Variants in SETD3 observed in about 807,000 individuals in gnomAD.
SETD3 encodes the protein SET domain containing 3, actin N3(tau)-histidine methyltransferase, also known as actin-histidine N-methyltransferase.
Under a neutral mutation model 63.0 loss-of-function variants are expected in SETD3, and 19 were observed. The ratio of observed to expected loss-of-function variants is 0.30; its 90% CI spans 0.21 to 0.44. SETD3 has a LOEUF of 0.44. Ranked by LOEUF, SETD3 falls within the 20% of genes least tolerant of loss-of-function variation. The pLI, the probability that SETD3 is intolerant of heterozygous loss-of-function variation, is 1.00. For missense variants in SETD3, 587 were observed against 728.5 expected, an observed-to-expected ratio of 0.81 and a Z score of 2.24; for synonymous variants, 286 against 264.1, an observed-to-expected ratio of 1.08 and a Z score of -0.80.
chr14:99,399,097 T>C lies in SETD3; in HGVS notation c.1367A>G (p.Asp456Gly), dbSNP rs1365615214. The change falls in exon 13 of 13, where the codon GAT becomes GGT. Residue 456 changes from aspartate to glycine, a missense_variant. Transcript: ENST00000331768. ...GGCCATTTTTGCACGAACAGAAAGA[T>C]CGTGGTTTTTCAAGACGGATTTATC... ...EEDKSVLKNH[D>G]LSVRAKMAIK... 3 of 1,613,642 alleles carry C rather than the reference T, an allele frequency of 1.9e-6. No individual in the cohort carries two copies. Among genetic ancestry groups the C allele is most frequent in the African/African-American group, 1.3e-5 (1 of 74,862 alleles).
intron 6 of SETD3, among the ~76,000 whole-genome samples, chr14:99,453,331 T>C (rs549621914): frequency 1.8e-4 from 27 of 152,326 alleles, no homozygotes; most frequent in Admixed American, 4.6e-4. Context: ...GAGAACATTC[T>C]AAAACTAGAA....
At chr14:99,430,342 C>A (rs1893103852) in intron 6 of SETD3, among the ~76,000 whole-genome samples, 1 of 152,120 alleles carries the variant, frequency 6.6e-6, no homozygotes, top group African/African-American at 2.4e-5. Flanking sequence ...TCACTGAAAC[C>A]CTGTCAAACA....
At chr14:99,403,822 G>A (rs545909495) in intron 11 of SETD3, among the ~76,000 whole-genome samples, 3 of 152,266 alleles carry the variant, frequency 2.0e-5, no homozygotes, top group East Asian at 3.9e-4. Flanking sequence ...TACGGTCCAC[G>A]TATGCCACAG....
upstream of SETD3, among the ~76,000 whole-genome samples, chr14:99,482,345 T>A (rs573691533): frequency 6.6e-6 from 1 of 152,378 alleles, no homozygotes; most frequent in South Asian, 2.1e-4. Context: ...TAAAGGTTTG[T>A]ATGAATGATG....
At chr14:99,480,939 T>C (rs1349808094), upstream of SETD3, 1 of 152,216 alleles carries the variant, frequency 6.6e-6, no homozygotes, top group Non-Finnish European at 1.5e-5. Context: ...CCGCCGTTCA[T>C]TGGCCCACGC....
chr14:99,420,008 A>G (rs1429455130), intron 6 of SETD3, among the ~76,000 whole-genome samples: 3 of 152,226 alleles, frequency 2.0e-5, no homozygotes, highest in Non-Finnish European at 4.4e-5. Context: ...GGCACTGTAC[A>G]TCACTGATAT....
chr14:99,408,635 G>A lies in SETD3; in HGVS notation c.850-2045C>T, dbSNP rs1317448673. Reference sequence around the variant, plus strand: ...CAGATATTTCCCACTCTCAGCAAACGTCAAGCTCAAGAAATAGTTTAACAT... The same window carrying A: ...CAGATATTTCCCACTCTCAGCAAACATCAAGCTCAAGAAATAGTTTAACAT... On this transcript the variant is annotated intron_variant, in intron 8 of 12. Coordinates refer to ENST00000331768, the MANE Select transcript of SETD3 (RefSeq NM_032233.3). Among the ~76,000 whole-genome samples, 3 of 152,160 alleles carry A rather than the reference G, an allele frequency of 2.0e-5. No individual in the cohort carries two copies. The East Asian group carries it at 5.8e-4, about 29-fold the overall frequency.
intron 6 of SETD3, among the ~76,000 whole-genome samples, chr14:99,415,189 T>C (rs1299442624): frequency 2.0e-5 from 3 of 152,240 alleles, no homozygotes; most frequent in Admixed American, 2.0e-4. Context: ...CCTGCCTGTT[T>C]TCATACTCTA....
chr14:99,475,169 A>ACC lies in SETD3; in HGVS notation c.-9+5557_-9+5558dup, dbSNP rs148947652. Among the ~76,000 whole-genome samples, 1,091 of 152,290 alleles carry ACC rather than the reference A, an allele frequency of 7.2e-3. 8 individuals are homozygous for ACC. Among genetic ancestry groups the ACC allele is most frequent in the African/African-American group, 0.024 (1,006 of 41,554 alleles). ...TCCGTCAAGAAATTACCTTCAAACC[A>ACC]CCCACATTCCTTAACATGAGGATTC... On this transcript the variant is annotated intron_variant, in intron 1 of 12. Transcript: ENST00000331768.
intron 1 of SETD3, among the ~76,000 whole-genome samples, chr14:99,474,287 T>C (rs1895855204): frequency 6.6e-6 from 1 of 152,180 alleles, no homozygotes; most frequent in South Asian, 2.1e-4. Flanking sequence ...ATCCAGCCAC[T>C]GTACTCCAGC....
At chr14:99,441,718 G>A (rs1199105438) in intron 6 of SETD3, among the ~76,000 whole-genome samples, 1 of 152,216 alleles carries the variant, frequency 6.6e-6, no homozygotes, top group Non-Finnish European at 1.5e-5. Context: ...GGACTGCAGT[G>A]AGGGAGGAAG....
intron 8 of SETD3, among the ~76,000 whole-genome samples, chr14:99,408,129 C>T (rs973707232): frequency 6.6e-6 from 1 of 152,142 alleles, no homozygotes; most frequent in African/African-American, 2.4e-5. Flanking sequence ...CAAAAGATGA[C>T]TTCTGAGTCT....
At chr14:99,416,040 T>C (rs772208847) in intron 6 of SETD3, among the ~76,000 whole-genome samples, 2 of 152,288 alleles carry the variant, frequency 1.3e-5, no homozygotes, top group South Asian at 4.1e-4. Flanking sequence ...AAAAGAAAAA[T>C]CTCTGCTGTC....
At chr14:99,473,662 C>T (rs941025760) in intron 1 of SETD3, among the ~76,000 whole-genome samples, 5 of 152,072 alleles carry the variant, frequency 3.3e-5, no homozygotes, top group African/African-American at 9.7e-5. Flanking sequence ...AAAGCACACT[C>T]GAGAGAGTGT....
upstream of SETD3, chr14:99,481,581 C>T (rs924315564): frequency 1.8e-5 from 7 of 397,270 alleles, no homozygotes; most frequent in African/African-American, 8.2e-5. Flanking sequence ...CGGAGTCTCT[C>T]TTTCCGGATT....
intron 6 of SETD3, among the ~76,000 whole-genome samples, chr14:99,425,201 G>C (rs1892815410): frequency 6.6e-6 from 1 of 152,138 alleles, no homozygotes; most frequent in Non-Finnish European, 1.5e-5. Flanking sequence ...ACTCTAGCAG[G>C]TTTGCTGAAC....
chr14:99,437,705 G>A (rs1282876988), intron 6 of SETD3, among the ~76,000 whole-genome samples: 3 of 152,150 alleles, frequency 2.0e-5, no homozygotes, highest in East Asian at 1.9e-4. Context: ...GTGACACACA[G>A]AAAGATTGAT....
At chr14:99,410,862 G>A (rs1045525179) in intron 8 of SETD3, among the ~76,000 whole-genome samples, 15 of 152,300 alleles carry the variant, frequency 9.8e-5, no homozygotes, top group Admixed American at 1.3e-4. Context: ...AGCAGACAGC[G>A]TTGCTGGGTT....
At chr14:99,469,376 A>T (rs546615022) in intron 1 of SETD3, among the ~76,000 whole-genome samples, 1 of 152,278 alleles carries the variant, frequency 6.6e-6, no homozygotes, top group African/African-American at 2.4e-5. Context: ...TCCCTTCGTG[A>T]TTCATTTCCC....
Sources: allele counts gnomAD v4.1 joint callset (sites outside exome capture counted in the v4.1 genomes callset), GRCh38; gene constraint gnomAD v4.1.1; transcripts MANE v1.5; gene names NCBI Gene and HGNC (gene_info 2026-07-23, HGNC 2026-07-21).